Variants in SPMIP7 observed in about 807,000 individuals in gnomAD.
The protein encoded by SPMIP7 is protein SPMIP7.
At chr7:50,151,540 A>G in the SPMIP7 span, 2 of 1,550,926 alleles carry the variant, frequency 1.3e-6, no homozygotes, top group South Asian at 1.2e-5. Context: ...CCCCATCACC[A>G]GATTCAGAAC....
chr7:50,114,005 T>C, the SPMIP7 span, among the ~76,000 whole-genome samples: 2 of 152,028 alleles, frequency 1.3e-5, no homozygotes, highest in African/African-American at 4.8e-5. Flanking sequence ...AGAAAATAAA[T>C]GCACATATTT....
the SPMIP7 span, chr7:50,134,299 T>C: frequency 7.0e-7 from 1 of 1,428,992 alleles, no homozygotes; most frequent in Admixed American, 2.9e-5. Flanking sequence ...TTGAAATGAG[T>C]TCTAAAACTT....
the SPMIP7 span, among the ~76,000 whole-genome samples, chr7:50,148,721 C>T: frequency 6.6e-6 from 1 of 152,220 alleles, no homozygotes; most frequent in African/African-American, 2.4e-5. Context: ...GTTCACTCAC[C>T]TAGGTCCCTC....
the SPMIP7 span, chr7:50,141,267 T>C: frequency 6.7e-7 from 1 of 1,500,016 alleles, no homozygotes; most frequent in Non-Finnish European, 9.1e-7. Flanking sequence ...CTTCTTTCCT[T>C]TCCATTCTAA....
the SPMIP7 span, among the ~76,000 whole-genome samples, chr7:50,145,034 G>C: frequency 1.3e-5 from 2 of 151,954 alleles, no homozygotes; most frequent in African/African-American, 2.4e-5. Flanking sequence ...AGCCGAGGCG[G>C]GTGGATCACC....
chr7:50,146,904 G>A, the SPMIP7 span, among the ~76,000 whole-genome samples: 12 of 152,024 alleles, frequency 7.9e-5, no homozygotes, highest in African/African-American at 1.5e-4. Flanking sequence ...GCATCACATC[G>A]CCCCCAGCAC....
At chr7:50,110,616 T>A in the SPMIP7 span, among the ~76,000 whole-genome samples, 4 of 139,854 alleles carry the variant, frequency 2.9e-5, no homozygotes, top group East Asian at 6.0e-4. Flanking sequence ...AATATTTATG[T>A]ATAATATATA....
the SPMIP7 span, chr7:50,120,527 C>A: frequency 0.32 from 47,992 of 152,170 alleles, 8,497 homozygotes; most frequent in Non-Finnish European, 0.42. Context: ...CTGCACTTAC[C>A]TTCACGCTGG....
At chr7:50,127,012 C>G in the SPMIP7 span, among the ~76,000 whole-genome samples, 1 of 152,004 alleles carries the variant, frequency 6.6e-6, no homozygotes, top group African/African-American at 2.4e-5. Context: ...AAATATTCCA[C>G]AAAACTATAG....
chr7:50,153,188 G>T, the SPMIP7 span, among the ~76,000 whole-genome samples: 11 of 152,236 alleles, frequency 7.2e-5, no homozygotes, highest in African/African-American at 2.2e-4. Flanking sequence ...TGATGTAGGA[G>T]AGAGTTCCTC....
the SPMIP7 span, among the ~76,000 whole-genome samples, chr7:50,111,406 C>G: frequency 6.6e-6 from 1 of 152,138 alleles, no homozygotes; most frequent in Non-Finnish European, 1.5e-5. Context: ...TTGCATAGCA[C>G]ATGAGAATCT....
the SPMIP7 span, among the ~76,000 whole-genome samples, chr7:50,104,755 C>T: frequency 1.3e-5 from 2 of 152,174 alleles, no homozygotes; most frequent in Non-Finnish European, 2.9e-5. Flanking sequence ...TGGAGGACTG[C>T]ACCTTCTCAT....
At chr7:50,129,163 A>T in the SPMIP7 span, among the ~76,000 whole-genome samples, 1 of 152,036 alleles carries the variant, frequency 6.6e-6, no homozygotes, top group Non-Finnish European at 1.5e-5. Context: ...ACAAAAATTG[A>T]ACTTCAGCAG....
the SPMIP7 span, among the ~76,000 whole-genome samples, chr7:50,129,104 G>A: frequency 0.012 from 1,873 of 151,998 alleles, 19 homozygotes; most frequent in Non-Finnish European, 0.018. Context: ...AAAACTGAGG[G>A]TGAATTAAAA....
chr7:50,131,522 A>G, the SPMIP7 span, among the ~76,000 whole-genome samples: 5 of 152,216 alleles, frequency 3.3e-5, no homozygotes, highest in African/African-American at 1.2e-4. Flanking sequence ...AAAGCCATGG[A>G]ACTGAATGAG....
At chr7:50,141,310 A>G in the SPMIP7 span, 5 of 1,551,874 alleles carry the variant, frequency 3.2e-6, no homozygotes, top group African/African-American at 5.5e-5. Flanking sequence ...AATGCTGATG[A>G]TGTTGACAAC....
the SPMIP7 span, among the ~76,000 whole-genome samples, chr7:50,123,009 C>T: frequency 1.4e-5 from 2 of 142,388 alleles, no homozygotes; most frequent in Admixed American, 7.0e-5. Context: ...GTCAGTGTGG[C>T]CATTCCTCAG....
chr7:50,145,804 C>T, the SPMIP7 span, among the ~76,000 whole-genome samples: 1 of 151,162 alleles, frequency 6.6e-6, no homozygotes, highest in East Asian at 1.9e-4. Context: ...TGAACCCAAA[C>T]CCAGCACTTG....
chr7:50,125,047 C>T, the SPMIP7 span, among the ~76,000 whole-genome samples: 4 of 147,856 alleles, frequency 2.7e-5, no homozygotes, highest in East Asian at 2.0e-4. Context: ...TGCAGTGAGC[C>T]GAGATCATGC....
Sources: gnomAD v4.1 joint callset for allele counts (sites outside exome capture counted in the v4.1 genomes callset) on GRCh38, gnomAD v4.1.1 for gene constraint, MANE v1.5 for transcripts, NCBI Gene and HGNC (gene_info 2026-07-23, HGNC 2026-07-21) for gene names.